Variants in DAB2IP observed in about 807,000 individuals in gnomAD.
DAB2IP encodes disabled homolog 2-interacting protein.
In DAB2IP, 28 loss-of-function variants were observed where a neutral mutation model predicts 107.2. The ratio of observed to expected loss-of-function variants is 0.26; its 90% CI spans 0.19 to 0.36. DAB2IP has a LOEUF of 0.36. DAB2IP is among the 10% of genes least tolerant of loss of function. DAB2IP has a pLI of 1.00. For synonymous variants in DAB2IP, 755 were observed against 706.4 expected, an observed-to-expected ratio of 1.07 and a Z score of -1.09; for missense variants, 1,400 against 1,644.7, an observed-to-expected ratio of 0.85 and a Z score of 2.57.
chr9:121,727,716 G>A (rs567330154), intron 3 of DAB2IP, among the ~76,000 whole-genome samples: 226 of 152,338 alleles, frequency 1.5e-3, no homozygotes, highest in South Asian at 0.013. Flanking sequence ...GGCAGGTGAG[G>A]AGCTAATGTA....
Position 121,783,377 on chromosome 9 carries a change from C to T in DAB2IP, c.*879C>T. 2.0e-6 allele frequency: 3 copies of T among 1,528,464 alleles called. No individual in the cohort carries two copies. In the South Asian group the frequency reaches 3.7e-5, roughly 19 times the overall value. The allele number at this position is 1,528,464 out of a possible 1,614,324, so 94.7% of individuals were successfully genotyped here. ...GCACTGTATCTGCCTTCTCCTGGGG[C>T]CCAGCACACCCAGGGCACAGTGGTC... On this transcript the variant is annotated 3_prime_UTR_variant, in exon 16 of 16. Transcript: ENST00000408936.
intron 3 of DAB2IP, among the ~76,000 whole-genome samples, chr9:121,727,280 G>A (rs1019034454): frequency 5.9e-5 from 9 of 152,242 alleles, no homozygotes; most frequent in East Asian, 1.9e-4. Flanking sequence ...GCTTCCCAGC[G>A]TTGTGGCCTC....
intron 1 of DAB2IP, among the ~76,000 whole-genome samples, chr9:121,589,686 C>T (rs1198899169): frequency 1.3e-5 from 2 of 152,120 alleles, no homozygotes; most frequent in Non-Finnish European, 1.5e-5. Flanking sequence ...CAAAAGGAGC[C>T]GAATGACATT....
chr9:121,623,226 G>A (rs1564117578), intron 1 of DAB2IP, among the ~76,000 whole-genome samples: 1 of 152,226 alleles, frequency 6.6e-6, no homozygotes, highest in African/African-American at 2.4e-5. Context: ...CCAGGTGGCA[G>A]CCCCACCAGA....
At chr9:121,615,407 T>G (rs776820125) in intron 1 of DAB2IP, among the ~76,000 whole-genome samples, 24 of 152,114 alleles carry the variant, frequency 1.6e-4, no homozygotes, top group Non-Finnish European at 3.1e-4. Flanking sequence ...CCTGGAGAGG[T>G]GGCGTTGTAG....
intron 3 of DAB2IP, among the ~76,000 whole-genome samples, chr9:121,741,712 C>T (rs1018213545): frequency 6.6e-6 from 1 of 151,620 alleles, no homozygotes; most frequent in Non-Finnish European, 1.5e-5. Flanking sequence ...GACTTGGCCA[C>T]AGTCACTACC....
chr9:121,689,258 C>A (rs374866498), intron 2 of DAB2IP, among the ~76,000 whole-genome samples: 1 of 150,922 alleles, frequency 6.6e-6, no homozygotes, highest in Non-Finnish European at 1.5e-5. Flanking sequence ...CGCGCCACTA[C>A]ACTCTAGCCT....
chr9:121,706,714 G>T (rs1426855730), intron 3 of DAB2IP, among the ~76,000 whole-genome samples: 1 of 152,208 alleles, frequency 6.6e-6, no homozygotes, highest in African/African-American at 2.4e-5. Context: ...GCTGGGGCAT[G>T]CCTGTGTTAC....
At chr9:121,615,098 C>T (rs1831223547) in intron 1 of DAB2IP, among the ~76,000 whole-genome samples, 1 of 152,106 alleles carries the variant, frequency 6.6e-6, no homozygotes, top group Admixed American at 6.6e-5. Context: ...GGCCCCTCAA[C>T]CTTAACTGCC....
intron 1 of DAB2IP, among the ~76,000 whole-genome samples, chr9:121,642,713 G>C (rs1366973999): frequency 2.6e-5 from 4 of 151,964 alleles, no homozygotes; most frequent in African/African-American, 7.3e-5. Context: ...TATGCACTGG[G>C]CATATGGCTG....
chr9:121,574,687 A>C (rs898227236), intron 1 of DAB2IP, among the ~76,000 whole-genome samples: 20 of 152,210 alleles, frequency 1.3e-4, no homozygotes, highest in Admixed American at 1.2e-3. Context: ...CAGGACTCCC[A>C]AGATCCTGTG....
At chr9:121,577,339 A>T (rs1481970460) in intron 1 of DAB2IP, among the ~76,000 whole-genome samples, 1 of 152,180 alleles carries the variant, frequency 6.6e-6, no homozygotes, top group Non-Finnish European at 1.5e-5. Context: ...CCTGTGCTGG[A>T]TGGCCGGATC....
chr9:121,672,740 G>C (rs1833733127), intron 1 of DAB2IP, among the ~76,000 whole-genome samples: 1 of 152,126 alleles, frequency 6.6e-6, no homozygotes, highest in African/African-American at 2.4e-5. Flanking sequence ...CGAAGGTCTG[G>C]GGCGCACTCT....
intron 6 of DAB2IP, 58 bp from the exon 7 acceptor site, chr9:121,763,447 A>G (rs1834040280): frequency 6.4e-7 from 1 of 1,556,006 alleles, no homozygotes; most frequent in Non-Finnish European, 8.7e-7. Context: ...CTGGAATCCT[A>G]GGGCCCTCCA....
intron 12 of DAB2IP, among the ~76,000 whole-genome samples, chr9:121,773,799 C>T (rs529439208): frequency 2.0e-5 from 3 of 152,320 alleles, no homozygotes; most frequent in Admixed American, 6.5e-5. Flanking sequence ...CCTGTCGAAG[C>T]GCCTACCCAG....
In DAB2IP at chr9:121,698,954, G is replaced by A. The variant is rs542628658; in HGVS notation, c.229-371G>A. On this transcript the variant is annotated intron_variant, in intron 2 of 15. Transcript: ENST00000408936. This position sits in a 1 kb window ranked among gnomAD's most constrained non-coding sequence, Gnocchi z 4.1. Reference sequence around the variant, plus strand: ...GGGGCGGCCGGCCCTGGCGGTCCCCGGGGGTCTCCGCCCCTCCGCAGCCCC... The same window carrying A: ...GGGGCGGCCGGCCCTGGCGGTCCCCAGGGGTCTCCGCCCCTCCGCAGCCCC... 2.9e-4 allele frequency among the ~76,000 whole-genome samples: 44 copies of A among 151,978 alleles called. No individual in the cohort carries two copies. The highest frequency in any genetic ancestry group is 9.9e-4 in the African/African-American group (41 of 41,528).
At chr9:121,627,360 G>A (rs1029893258) in intron 1 of DAB2IP, among the ~76,000 whole-genome samples, 13 of 149,322 alleles carry the variant, frequency 8.7e-5, no homozygotes, top group African/African-American at 3.0e-4. Flanking sequence ...GGACACAGAC[G>A]TTGTTTACAG....
chr9:121,729,383 G>A (rs914406361), intron 3 of DAB2IP, among the ~76,000 whole-genome samples: 1 of 152,176 alleles, frequency 6.6e-6, no homozygotes, highest in Admixed American at 6.5e-5. Context: ...GACCCTAGGA[G>A]AGAATTTGGG....
At chr9:121,710,482 C>G (rs1165641299) in intron 3 of DAB2IP, among the ~76,000 whole-genome samples, 1 of 152,168 alleles carries the variant, frequency 6.6e-6, no homozygotes, top group Non-Finnish European at 1.5e-5. Context: ...TCTCAAGCGT[C>G]TTTTTCTGTG....
Sources: gnomAD v4.1 joint callset for allele counts (sites outside exome capture counted in the v4.1 genomes callset) on GRCh38, gnomAD v4.1.1 for gene constraint, Gnocchi (gnomAD v3.1) non-coding constraint, MANE v1.5 for transcripts, NCBI Gene and HGNC (gene_info 2026-07-23, HGNC 2026-07-21) for gene names.